EIF3E: variants seen among roughly 807,000 people sequenced by gnomAD.
EIF3E encodes the protein eukaryotic translation initiation factor 3 subunit E.
In EIF3E, 25 loss-of-function variants were observed where a neutral mutation model predicts 59.3. That is an observed-to-expected ratio of 0.42 (90% CI 0.31 to 0.59). EIF3E has a LOEUF of 0.59. Among genes scored for constraint, EIF3E ranks in the 20% least tolerant of loss-of-function variants. The pLI is 0.15. For missense variants in EIF3E, 317 were observed against 534.3 expected (o/e 0.59, Z 4.01); for synonymous variants, 176 against 170.2 (o/e 1.03, Z -0.26).
At chr8:108,229,332 C>T (rs912643288) in intron 5 of EIF3E, 137 bp from the exon 6 acceptor site, 2 of 799,864 alleles carry the variant, frequency 2.5e-6, no homozygotes, top group Non-Finnish European at 3.6e-6. Context: ...TATCTAAGTC[C>T]TTATTGGATC....
At chr8:108,216,564 C>T (rs1815309868) in intron 8 of EIF3E, 51 bp from the exon 9 acceptor site, 1 of 1,228,036 alleles carries the variant, frequency 8.1e-7, no homozygotes. Flanking sequence ...CATTGTTTAG[C>T]AGATTGCCCC....
intron 7 of EIF3E, among the ~76,000 whole-genome samples, chr8:108,221,013 G>A (rs942709485): frequency 5.4e-5 from 8 of 147,800 alleles, no homozygotes; most frequent in Non-Finnish European, 1.0e-4. Flanking sequence ...CAGACTGGGC[G>A]ACAGAGCGAG....
chr8:108,228,994 T>C (rs945346179), intron 6 of EIF3E, 76 bp downstream of exon 6: 4 of 1,380,990 alleles, frequency 2.9e-6, no homozygotes, highest in East Asian at 2.6e-5. Flanking sequence ...CCAAAATGCA[T>C]AGTGATTTTC....
At chr8:108,243,006 G>T (rs149228837) in intron 1 of EIF3E, among the ~76,000 whole-genome samples, 1 of 151,972 alleles carries the variant, frequency 6.6e-6, no homozygotes, top group Non-Finnish European at 1.5e-5. Flanking sequence ...AAAACAAATG[G>T]GTGCATATAG....
intron 7 of EIF3E, among the ~76,000 whole-genome samples, chr8:108,222,856 C>CA (rs1815445384): frequency 7.4e-6 from 1 of 135,066 alleles, no homozygotes; most frequent in African/African-American, 2.8e-5. Flanking sequence ...TTTTAAATAA[C>CA]AGACTCAGTA....
intron 7 of EIF3E, chr8:108,226,405 T>G (rs1815518050): frequency 6.6e-6 from 1 of 152,024 alleles, no homozygotes; most frequent in Non-Finnish European, 1.5e-5. Flanking sequence ...ACGTTGACCA[T>G]GGCTGGTCTC....
intron 5 of EIF3E, among the ~76,000 whole-genome samples, chr8:108,232,143 C>A (rs942573433): frequency 6.6e-6 from 1 of 152,244 alleles, no homozygotes; most frequent in South Asian, 2.1e-4. Context: ...AACAAAACTT[C>A]AAACAAATAC....
chr8:108,248,569 C>T lies in EIF3E; in HGVS notation c.90+44G>A, dbSNP rs200520253. 397 of 1,601,466 alleles carry T rather than the reference C, an allele frequency of 2.5e-4. 4 individuals carry two copies. In the African/African-American group the frequency reaches 4.9e-3, roughly 20 times the overall value. On this transcript the variant is annotated intron_variant, in intron 1 of 12. Transcript: ENST00000220849. ...ACCACCTTTCGGCCTTGCTCAGCAC[C>T]TCATCCGCCCCCACGCCTTCCTTGC...
chr8:108,220,122 C>T (rs770101033), intron 7 of EIF3E, among the ~76,000 whole-genome samples: 30 of 149,358 alleles, frequency 2.0e-4, no homozygotes, highest in Non-Finnish European at 3.1e-4. Context: ...CAGGCCTGGG[C>T]GACGGAGCAA....
chr8:108,206,970 T>C (rs1320468935), intron 10 of EIF3E, among the ~76,000 whole-genome samples: 1 of 152,214 alleles, frequency 6.6e-6, no homozygotes, highest in Non-Finnish European at 1.5e-5. Context: ...TATCTTACTT[T>C]GTGGATCTTT....
chr8:108,239,079 G>A (rs1303781490), intron 3 of EIF3E, among the ~76,000 whole-genome samples: 1 of 152,074 alleles, frequency 6.6e-6, no homozygotes, highest in Non-Finnish European at 1.5e-5. Context: ...AGCTTGGAAG[G>A]GTATGAAAGA....
intron 1 of EIF3E, among the ~76,000 whole-genome samples, chr8:108,246,970 A>G (rs1815960462): frequency 6.6e-6 from 1 of 152,182 alleles, no homozygotes; most frequent in African/African-American, 2.4e-5. Flanking sequence ...AAAACTTATA[A>G]CGGATTTTTG....
At chr8:108,239,935 A>G in intron 3 of EIF3E, 23 bp downstream of exon 3, 1 of 1,558,588 alleles carries the variant, frequency 6.4e-7, no homozygotes, top group Non-Finnish European at 8.8e-7. Flanking sequence ...AATTTTTAGA[A>G]TTCAAAATTA....
At chr8:108,239,736 A>C (rs1164858653) in intron 3 of EIF3E, among the ~76,000 whole-genome samples, 1 of 152,224 alleles carries the variant, frequency 6.6e-6, no homozygotes, top group Non-Finnish European at 1.5e-5. Flanking sequence ...AGTATAGATA[A>C]GTACTAAAGA....
intron 1 of EIF3E, among the ~76,000 whole-genome samples, chr8:108,246,296 GC>G (rs1815948333): frequency 7.1e-6 from 1 of 140,738 alleles, no homozygotes. Flanking sequence ...GGGGGGGGGG[GC>G]TGCTGTATCC....
intron 3 of EIF3E, among the ~76,000 whole-genome samples, chr8:108,238,121 G>C (rs912367179): frequency 6.6e-6 from 1 of 152,120 alleles, no homozygotes; most frequent in African/African-American, 2.4e-5. Flanking sequence ...TTCTGTTGTA[G>C]TCTAACATCT....
chr8:108,219,609 C>T (rs1255615373), intron 7 of EIF3E, among the ~76,000 whole-genome samples: 2 of 152,186 alleles, frequency 1.3e-5, no homozygotes, highest in African/African-American at 4.8e-5. Context: ...GGTGCCATGA[C>T]TCATGCCTGT....
chr8:108,206,983 T>G (rs906295243), intron 10 of EIF3E, among the ~76,000 whole-genome samples: 10 of 152,212 alleles, frequency 6.6e-5, no homozygotes, highest in Admixed American at 4.6e-4. Context: ...GGATCTTTGT[T>G]TGCACTGTGC....
intron 2 of EIF3E, 44 bp downstream of exon 2, chr8:108,241,755 C>A (rs778842885): frequency 8.2e-7 from 1 of 1,214,624 alleles, no homozygotes; most frequent in Non-Finnish European, 1.1e-6. Context: ...ATACACACAT[C>A]CTCAAGTCAC....
Sources: allele counts gnomAD v4.1 joint callset (sites outside exome capture counted in the v4.1 genomes callset), GRCh38; gene constraint gnomAD v4.1.1; transcripts MANE v1.5; gene names NCBI Gene and HGNC (gene_info 2026-07-23, HGNC 2026-07-21).